The following ZBTB7C variants were observed in gnomAD, a reference collection of about 807,000 sequenced individuals.
ZBTB7C encodes zinc finger and BTB domain-containing protein 7C.
A neutral mutation model predicts 25.7 loss-of-function variants in ZBTB7C; 8 were observed. The ratio of observed to expected loss-of-function variants is 0.31; its 90% CI spans 0.18 to 0.56. The LOEUF (loss-of-function observed/expected upper bound fraction) is 0.56, where lower values mean the gene tolerates loss of function less well. Ranked by LOEUF, ZBTB7C falls within the 20% of genes least tolerant of loss-of-function variation. ZBTB7C has a pLI of 0.91. For synonymous variants in ZBTB7C, 394 were observed against 369.0 expected (o/e 1.07, Z -0.78); for missense variants, 824 against 855.2 (o/e 0.96, Z 0.46).
At chr18:48,336,812 C>T (rs1166775606) in intron 2 of ZBTB7C, among the ~76,000 whole-genome samples, 1 of 152,100 alleles carries the variant, frequency 6.6e-6, no homozygotes, top group Non-Finnish European at 1.5e-5. Flanking sequence ...GCCCAGGTCC[C>T]CAGCCAAGTC....
intron 3 of ZBTB7C, among the ~76,000 whole-genome samples, chr18:48,123,018 C>T (rs145324435): frequency 1.4e-3 from 217 of 152,254 alleles, no homozygotes; most frequent in African/African-American, 4.9e-3. Flanking sequence ...GTCCTTGGGG[C>T]TCTGTCTGGA....
rs140328854 is a variant in ZBTB7C, at chr18:48,303,791, CT to C, written c.-79+34382del. ...TCTGTGAACTTAGGTTAACTCACCC[CT>C]CTGGGTCTCCATATCCCTTTTTCAA... is the stretch of plus-strand genomic sequence containing the variant. On this transcript the variant is annotated intron_variant, in intron 2 of 4. Transcript: ENST00000590800. 2.2e-3 allele frequency among the ~76,000 whole-genome samples: 335 copies of C among 152,336 alleles called. 5 individuals are homozygous for C. The highest frequency in any genetic ancestry group is 7.8e-3 in the African/African-American group (324 of 41,580).
At chr18:48,278,452 T>A (rs979558670) in intron 2 of ZBTB7C, among the ~76,000 whole-genome samples, 1 of 152,086 alleles carries the variant, frequency 6.6e-6, no homozygotes, top group African/African-American at 2.4e-5. Flanking sequence ...TCTTTTTTTT[T>A]TTTGAGACAG....
chr18:48,265,648 G>T (rs935268199), intron 2 of ZBTB7C, among the ~76,000 whole-genome samples: 1 of 152,160 alleles, frequency 6.6e-6, no homozygotes, highest in Non-Finnish European at 1.5e-5. Flanking sequence ...ACAATATGAA[G>T]GACATGGCAT....
intron 3 of ZBTB7C, among the ~76,000 whole-genome samples, chr18:48,071,976 T>C (rs1467516026): frequency 6.6e-6 from 1 of 152,152 alleles, no homozygotes; most frequent in Non-Finnish European, 1.5e-5. Context: ...GGGGACAGAG[T>C]TTCATTTGGG....
chr18:48,238,416 G>A (rs1240514827), intron 2 of ZBTB7C, among the ~76,000 whole-genome samples: 1 of 152,160 alleles, frequency 6.6e-6, no homozygotes, highest in Non-Finnish European at 1.5e-5. Context: ...TGAAGGAAGC[G>A]GCTTGCCACT....
chr18:48,064,167 A>T (rs73954680), intron 3 of ZBTB7C, among the ~76,000 whole-genome samples: 2,044 of 152,326 alleles, frequency 0.013, 57 homozygotes, highest in African/African-American at 0.045. Context: ...AGCTCTGCCC[A>T]TTCCAAAGTA....
intron 2 of ZBTB7C, among the ~76,000 whole-genome samples, chr18:48,321,817 C>T (rs1265345165): frequency 6.6e-6 from 1 of 152,182 alleles, no homozygotes; most frequent in Non-Finnish European, 1.5e-5. Flanking sequence ...CAGCCGAGAG[C>T]AGCATCTCTG....
At chr18:48,284,812 C>G (rs779910467) in intron 2 of ZBTB7C, among the ~76,000 whole-genome samples, 1,299 of 108,700 alleles carry the variant, frequency 0.012, 13 homozygotes, top group South Asian at 0.023. Context: ...AAAAAAAAAA[C>G]AGAGAGAGAG....
intron 1 of ZBTB7C, among the ~76,000 whole-genome samples, chr18:48,400,315 A>G (rs970776472): frequency 6.6e-6 from 1 of 152,186 alleles, no homozygotes; most frequent in African/African-American, 2.4e-5. Context: ...GGAAGGGACT[A>G]AATTTGCTTT....
intron 2 of ZBTB7C, among the ~76,000 whole-genome samples, chr18:48,244,150 G>C (rs1308771265): frequency 6.6e-6 from 1 of 152,136 alleles, no homozygotes; most frequent in East Asian, 1.9e-4. Context: ...AAAAACAAAT[G>C]CAACAAAAAC....
chr18:48,349,352 T>A (rs1338376923), intron 1 of ZBTB7C, among the ~76,000 whole-genome samples: 2 of 152,256 alleles, frequency 1.3e-5, no homozygotes, highest in Non-Finnish European at 2.9e-5. Flanking sequence ...CTTTTTTTGA[T>A]TAGTTTCTTG....
chr18:48,302,551 C>G (rs2045570234), intron 2 of ZBTB7C, among the ~76,000 whole-genome samples: 1 of 152,202 alleles, frequency 6.6e-6, no homozygotes. Context: ...CTAACACCAG[C>G]AGGCAAAATA....
At chr18:48,100,344 CG>C (rs1352261656) in intron 3 of ZBTB7C, among the ~76,000 whole-genome samples, 2 of 152,126 alleles carry the variant, frequency 1.3e-5, no homozygotes, top group African/African-American at 4.8e-5. Flanking sequence ...GACCTCCCCA[CG>C]GGGTGAAGAG....
chr18:48,370,598 G>A (rs1290516372), intron 1 of ZBTB7C, among the ~76,000 whole-genome samples: 3 of 152,092 alleles, frequency 2.0e-5, no homozygotes, highest in African/African-American at 7.2e-5. Flanking sequence ...GAATCCCTCT[G>A]TATTATTTTT....
At chr18:48,169,764 A>G (rs2041401949) in intron 3 of ZBTB7C, 1 of 118,324 alleles carries the variant, frequency 8.5e-6, no homozygotes, top group Admixed American at 8.9e-5. Flanking sequence ...TTACTATCAA[A>G]AGTGTCCCTT....
intron 1 of ZBTB7C, among the ~76,000 whole-genome samples, chr18:48,346,386 C>T (rs2046731424): frequency 6.6e-6 from 1 of 152,190 alleles, no homozygotes; most frequent in African/African-American, 2.4e-5. Context: ...TGAGTCATGC[C>T]CTGGTTGAGA....
chr18:48,297,655 G>A (rs764583743), intron 2 of ZBTB7C, among the ~76,000 whole-genome samples: 77 of 152,278 alleles, frequency 5.1e-4, no homozygotes, highest in Non-Finnish European at 4.3e-4. Flanking sequence ...ACTGCAGAAC[G>A]TCTTAAACCT....
chr18:48,389,228 CTCTCTCTCGTGTG>C (rs2047828862), intron 1 of ZBTB7C, among the ~76,000 whole-genome samples: 1 of 94,088 alleles, frequency 1.1e-5, no homozygotes, highest in South Asian at 4.0e-4. Flanking sequence ...CTCTCTCTCT[CTCTCTCTCGTGTG>C]TGTGTGTGTG....
Sources: allele counts gnomAD v4.1 joint callset (sites outside exome capture counted in the v4.1 genomes callset), GRCh38; gene constraint gnomAD v4.1.1; transcripts MANE v1.5; gene names NCBI Gene and HGNC (gene_info 2026-07-23, HGNC 2026-07-21).